SNRPF: variants seen among roughly 807,000 people sequenced by gnomAD.
SNRPF encodes the protein small nuclear ribonucleoprotein polypeptide F, also known as small nuclear ribonucleoprotein F.
A neutral mutation model predicts 13.4 loss-of-function variants in SNRPF; 1 was observed. The ratio of observed to expected loss-of-function variants is 0.07; its 90% CI spans 0.03 to 0.35. The LOEUF (loss-of-function observed/expected upper bound fraction) is 0.35. Ranked by LOEUF, SNRPF falls within the 10% of genes least tolerant of loss-of-function variation. SNRPF has a pLI of 0.99. For missense variants in SNRPF, 53 were observed against 101.0 expected (o/e 0.52, Z 2.04); for synonymous variants, 27 against 32.1 (o/e 0.84, Z 0.54).
In SNRPF at chr12:95,865,422, C is replaced by T. The variant is rs767450232; in HGVS notation, c.194+34C>T. On this transcript the variant is annotated intron_variant, in intron 3 of 3. Coordinates refer to ENST00000266735, the MANE Select transcript of SNRPF (RefSeq NM_003095.5). ...CAGCAGTAGTATATGTAAGGAGTTACTGGTGAGCATTAGGAATACCTGTTC... is the reference window on the plus strand; with the variant it reads ...CAGCAGTAGTATATGTAAGGAGTTATTGGTGAGCATTAGGAATACCTGTTC... The T allele has an allele frequency of 2.9e-6, 3 of 1,038,094 alleles. No homozygotes were observed. In the South Asian group the frequency reaches 4.1e-5, roughly 14 times the overall value. The allele number at this position is 1,038,094 out of a possible 1,614,324, so 64.3% of individuals were successfully genotyped here.
chr12:95,863,007 G>T (rs1170664827), intron 2 of SNRPF, among the ~76,000 whole-genome samples: 12 of 151,674 alleles, frequency 7.9e-5, no homozygotes, highest in Non-Finnish European at 1.6e-4. Context: ...GGGATTTTTT[G>T]TTGTTTTTTT....
chr12:95,866,081 T>C lies in SNRPF; in HGVS notation c.*10T>C. 7.2e-7 allele frequency: 1 copy of C among 1,384,684 alleles called. No homozygotes were observed. The highest frequency in any genetic ancestry group is 1.9e-5 in the Admixed American group (1 of 52,990). The allele number at this position is 1,384,684 out of a possible 1,614,324, so 85.8% of individuals were successfully genotyped here. On this transcript the variant is annotated 3_prime_UTR_variant, in exon 4 of 4. Coordinates refer to ENST00000266735, the MANE Select transcript of SNRPF (RefSeq NM_003095.5). ...GGAAATGAGAGAATAGCATCTTTTGTGGGGGATTTTTTTTATATATATTTC... is the reference window on the plus strand; with the variant it reads ...GGAAATGAGAGAATAGCATCTTTTGCGGGGGATTTTTTTTATATATATTTC...
chr12:95,865,986 C>G lies in SNRPF; in HGVS notation c.195-19C>G, dbSNP rs780413782. On this transcript the variant is annotated intron_variant, in intron 3 of 3. Transcript: ENST00000266735. ...TGGTTTCTGGTTGGAACAACAAAATCGACTTTTTCTATTTACAGGTGTAAT... is the reference window on the plus strand; with the variant it reads ...TGGTTTCTGGTTGGAACAACAAAATGGACTTTTTCTATTTACAGGTGTAAT... 1 of 1,272,212 alleles carries G rather than the reference C, an allele frequency of 7.9e-7. No homozygotes were observed. The highest frequency in any genetic ancestry group is 1.9e-5 in the Admixed American group (1 of 52,736). The allele number at this position is 1,272,212 out of a possible 1,614,324, so 78.8% of individuals were successfully genotyped here. A position where few individuals can be genotyped will look rare whatever the true frequency, so the allele number is the denominator to read the frequency against.
At chr12:95,859,200 C>T (rs1196091039) in intron 1 of SNRPF, 124 bp downstream of exon 1, 4 of 829,834 alleles carry the variant, frequency 4.8e-6, no homozygotes, top group South Asian at 4.4e-5. Context: ...CGCACCCTGT[C>T]GCCAGCTCCT....
chr12:95,862,088 C>A (rs187299697), intron 2 of SNRPF, among the ~76,000 whole-genome samples: 1 of 152,258 alleles, frequency 6.6e-6, no homozygotes, highest in Non-Finnish European at 1.5e-5. Context: ...TGAATTTGAC[C>A]GTGCATAATA....
chr12:95,861,883 A>T (rs1412923036), intron 2 of SNRPF: 1 of 152,310 alleles, frequency 6.6e-6, no homozygotes, highest in Non-Finnish European at 1.5e-5. Flanking sequence ...AGTGGCATTA[A>T]GTACCTTCAC....
At chr12:95,865,169 G>A in intron 2 of SNRPF, 155 bp from the exon 3 acceptor site, 1 of 428,184 alleles carries the variant, frequency 2.3e-6, no homozygotes, top group South Asian at 6.0e-5. Context: ...TACTACAATA[G>A]TAATAGAAAG....
At position 95,858,996 on chromosome 12, in the gene SNRPF, G is replaced by GGTACCTGCT; in HGVS notation, c.-74_-66dup. ...CTTGAAACTGCGGCTCGGGACCTGC[G>GGTACCTGCT]GTACCTGCTGTAGTCACGAGGGACG... On this transcript the variant is annotated 5_prime_UTR_variant, in exon 1 of 4. Transcript: ENST00000266735. The GGTACCTGCT allele has an allele frequency of 2.5e-6, 4 of 1,596,410 alleles. No individual in the cohort carries two copies. Among genetic ancestry groups the GGTACCTGCT allele is most frequent in the Non-Finnish European group, 3.4e-6 (4 of 1,173,292 alleles).
chr12:95,863,293 T>A (rs1049962019), intron 2 of SNRPF, among the ~76,000 whole-genome samples: 2 of 152,196 alleles, frequency 1.3e-5, no homozygotes, highest in African/African-American at 4.8e-5. Flanking sequence ...GATGAAAATA[T>A]TCTGGAAGTA....
At chr12:95,864,703 A>G (rs962544429) in intron 2 of SNRPF, among the ~76,000 whole-genome samples, 2 of 152,248 alleles carry the variant, frequency 1.3e-5, no homozygotes, top group Non-Finnish European at 2.9e-5. Flanking sequence ...GCAGAAATTC[A>G]AGACCAGCTT....
chr12:95,864,008 ATGT>A lies in SNRPF; in HGVS notation c.130-1314_130-1312del, dbSNP rs2079509278. Among the ~76,000 whole-genome samples, 3 of 152,184 alleles carry A rather than the reference ATGT, an allele frequency of 2.0e-5. No individual in the cohort carries two copies. In the East Asian group the frequency reaches 5.8e-4, roughly 29 times the overall value. On this transcript the variant is annotated intron_variant, in intron 2 of 3. Coordinates refer to ENST00000266735, the MANE Select transcript of SNRPF (RefSeq NM_003095.5). ...TGGAACATTATTGTGTAATTTAGAA[ATGT>A]TAAATGTTGTAATTACTTTTTACAA... is the stretch of plus-strand genomic sequence containing the variant.
At chr12:95,859,485 G>A (rs954596705) in intron 1 of SNRPF, among the ~76,000 whole-genome samples, 1 of 152,232 alleles carries the variant, frequency 6.6e-6, no homozygotes, top group South Asian at 2.1e-4. Flanking sequence ...TAACAAGTAT[G>A]TAATTGCAAA....
At chr12:95,860,213 A>C (rs1215399116) in intron 1 of SNRPF, among the ~76,000 whole-genome samples, 1 of 152,236 alleles carries the variant, frequency 6.6e-6, no homozygotes, top group African/African-American at 2.4e-5. Flanking sequence ...AAATACTGTC[A>C]AGCGTGATCT....
At chr12:95,861,872 C>CAGTGGCATT (rs2079498101) in intron 2 of SNRPF, 1 of 152,398 alleles carries the variant, frequency 6.6e-6, no homozygotes, top group Admixed American at 6.5e-5. Context: ...GTGTATAATT[C>CAGTGGCATT]AGTGGCATTA....
At chr12:95,859,123 G>A in intron 1 of SNRPF, 47 bp downstream of exon 1, 1 of 1,545,544 alleles carries the variant, frequency 6.5e-7, no homozygotes, top group South Asian at 1.1e-5. Flanking sequence ...AAGAGAAGGA[G>A]GGAGACCAGC....
Position 95,859,006 on chromosome 12 carries a change from G to C in SNRPF, c.-68G>C, listed in dbSNP as rs945207720. On this transcript the variant is annotated 5_prime_UTR_variant, in exon 1 of 4. Transcript: ENST00000266735. ...CGGCTCGGGACCTGCGGTACCTGCT[G>C]TAGTCACGAGGGACGGGCGGCGGCC... 25 of 1,603,926 alleles carry C rather than the reference G, an allele frequency of 1.6e-5. No homozygotes were observed. The highest frequency in any genetic ancestry group is 2.0e-5 in the Non-Finnish European group (24 of 1,176,582).
At chr12:95,864,784 C>T (rs1472771677) in intron 2 of SNRPF, among the ~76,000 whole-genome samples, 1 of 152,192 alleles carries the variant, frequency 6.6e-6, no homozygotes, top group Non-Finnish European at 1.5e-5. Flanking sequence ...TGGCACATGC[C>T]TTTAGTCCTA....
intron 1 of SNRPF, among the ~76,000 whole-genome samples, chr12:95,860,926 T>A (rs1239319148): frequency 6.8e-6 from 1 of 146,694 alleles, no homozygotes; most frequent in Non-Finnish European, 1.5e-5. Flanking sequence ...ATGTAGGTAG[T>A]CAGTGTATCT....
chr12:95,860,227 C>T lies in SNRPF; in HGVS notation c.4-941C>T, dbSNP rs149882539. Among the ~76,000 whole-genome samples, 1,269 of 152,322 alleles carry T rather than the reference C, an allele frequency of 8.3e-3. 18 individuals are homozygous for T. The highest frequency in any genetic ancestry group is 0.028 in the African/African-American group (1,183 of 41,552). On this transcript the variant is annotated intron_variant, in intron 1 of 3. Coordinates refer to ENST00000266735, the MANE Select transcript of SNRPF (RefSeq NM_003095.5). ...TAAATACTGTCAAGCGTGATCTGCCCTCTGCTTCCTTCTGTAGTTTTATAT... is the reference window on the plus strand; with the variant it reads ...TAAATACTGTCAAGCGTGATCTGCCTTCTGCTTCCTTCTGTAGTTTTATAT...
Sources: allele counts gnomAD v4.1 joint callset (sites outside exome capture counted in the v4.1 genomes callset), GRCh38; gene constraint gnomAD v4.1.1; transcripts MANE v1.5; gene names NCBI Gene and HGNC (gene_info 2026-07-23, HGNC 2026-07-21).